UTRN: variants seen among roughly 807,000 people sequenced by gnomAD.
UTRN encodes utrophin.
UTRN carries 283 observed loss-of-function variants against 463.9 expected under a neutral mutation model. The ratio of observed to expected loss-of-function variants is 0.61; its 90% CI spans 0.55 to 0.67. The LOEUF (loss-of-function observed/expected upper bound fraction) is 0.67, where lower values mean the gene tolerates loss of function less well. Ranked by LOEUF, UTRN falls within the 30% of genes least tolerant of loss-of-function variation. The probability of loss-of-function intolerance (pLI) is 0.00; values close to 1 mark genes in which losing one functional copy is unlikely to be tolerated. For missense variants in UTRN, 3,922 were observed against 4,084.3 expected (o/e 0.96, Z 1.08); for synonymous variants, 1,442 against 1,431.5 (o/e 1.01, Z -0.17).
At chr6:144,774,125 A>G (rs1277542983) in intron 59 of UTRN, among the ~76,000 whole-genome samples, 165 bp from the exon 60 acceptor site, 1 of 152,178 alleles carries the variant, frequency 6.6e-6, no homozygotes, top group Non-Finnish European at 1.5e-5. Flanking sequence ...GCTAATGATC[A>G]TTTAACTTTT....
chr6:144,512,363 A>G (rs1795247249), intron 35 of UTRN, among the ~76,000 whole-genome samples: 1 of 152,146 alleles, frequency 6.6e-6, no homozygotes, highest in Admixed American at 6.6e-5. Flanking sequence ...TGCTGTTAGA[A>G]CATTTGATTT....
chr6:144,299,557 C>A (rs951748173), intron 2 of UTRN, among the ~76,000 whole-genome samples: 1 of 151,852 alleles, frequency 6.6e-6, no homozygotes, highest in Non-Finnish European at 1.5e-5. Flanking sequence ...CCCATTGAAC[C>A]AGAAGATGAT....
intron 40 of UTRN, 121 bp downstream of exon 40, chr6:144,522,292 A>G: frequency 5.3e-6 from 4 of 753,282 alleles, no homozygotes; most frequent in Non-Finnish European, 7.7e-6. Context: ...GGGATTAATA[A>G]TATGTATGAC....
Position 144,602,840 on chromosome 6 carries a change from C to T in UTRN, c.7479+25552C>T, listed in dbSNP as rs118145574. ...AATTAAATGACATTGAATGAAACAA[C>T]ATTATTCTAGGACCTGCTGTGTATT... On this transcript the variant is annotated intron_variant, in intron 51 of 74. Coordinates refer to ENST00000367545, the MANE Select transcript of UTRN (RefSeq NM_007124.3). Among the ~76,000 whole-genome samples, 393 of 152,242 alleles carry T rather than the reference C, an allele frequency of 2.6e-3. 13 individuals carry two copies. In the East Asian group the frequency reaches 0.058, roughly 22 times the overall value.
At chr6:144,495,338 G>A (rs185855794) in intron 33 of UTRN, among the ~76,000 whole-genome samples, 1,570 of 152,366 alleles carry the variant, frequency 0.01, 34 homozygotes, top group African/African-American at 0.035. Context: ...GCGCAGCGCC[G>A]GTGGGCTGGC....
intron 25 of UTRN, among the ~76,000 whole-genome samples, chr6:144,475,702 A>G (rs561078878): frequency 6.6e-6 from 1 of 152,188 alleles, no homozygotes; most frequent in South Asian, 2.1e-4. Flanking sequence ...TGCAGCCTTG[A>G]ACTCCTGGGC....
intron 62 of UTRN, 23 bp downstream of exon 62, chr6:144,789,302 C>T: frequency 6.5e-7 from 1 of 1,532,878 alleles, no homozygotes; most frequent in Non-Finnish European, 8.9e-7. Context: ...TTTCTTATAC[C>T]AACAGTGTTT....
chr6:144,321,051 T>C (rs957482530), intron 2 of UTRN, among the ~76,000 whole-genome samples: 1 of 152,246 alleles, frequency 6.6e-6, no homozygotes, highest in Non-Finnish European at 1.5e-5. Context: ...GCTCATCATA[T>C]TAAACACAGT....
intron 51 of UTRN, among the ~76,000 whole-genome samples, chr6:144,650,681 C>T (rs551094623): frequency 2.0e-5 from 3 of 152,240 alleles, no homozygotes; most frequent in African/African-American, 4.8e-5. Flanking sequence ...GAGGCCAAGG[C>T]GGGCAGATCA....
chr6:144,439,342 G>A (rs973277601), intron 12 of UTRN, among the ~76,000 whole-genome samples: 2 of 152,134 alleles, frequency 1.3e-5, no homozygotes, highest in African/African-American at 2.4e-5. Flanking sequence ...GATAAGGAAA[G>A]ATAGAATAAA....
intron 40 of UTRN, among the ~76,000 whole-genome samples, chr6:144,522,715 G>C (rs1796212086): frequency 6.6e-6 from 1 of 151,910 alleles, no homozygotes; most frequent in Non-Finnish European, 1.5e-5. Context: ...ACTATTTCCA[G>C]CTTCAAATGC....
intron 53 of UTRN, among the ~76,000 whole-genome samples, chr6:144,714,553 C>T (rs60929703): frequency 0.11 from 17,079 of 152,240 alleles, 1,223 homozygotes; most frequent in East Asian, 0.23. Context: ...TGTTCTTCTG[C>T]TGCCATCTTG....
At chr6:144,731,529 C>A (rs1788515707) in intron 54 of UTRN, among the ~76,000 whole-genome samples, 1 of 152,080 alleles carries the variant, frequency 6.6e-6, no homozygotes, top group African/African-American at 2.4e-5. Context: ...AAAATGCTTT[C>A]TTTGACTATA....
intron 53 of UTRN, among the ~76,000 whole-genome samples, chr6:144,726,466 A>G (rs958348570): frequency 6.6e-6 from 1 of 152,182 alleles, no homozygotes; most frequent in Non-Finnish European, 1.5e-5. Context: ...CCAAGGCTCT[A>G]CTAGGTCCCA....
intron 21 of UTRN, 45 bp from the exon 22 acceptor site, chr6:144,461,152 G>C: frequency 6.7e-7 from 1 of 1,496,538 alleles, no homozygotes; most frequent in Non-Finnish European, 9.0e-7. Context: ...AATAATATTG[G>C]TTCCTAATAT....
At chr6:144,453,046 G>A (rs575084777) in intron 18 of UTRN, among the ~76,000 whole-genome samples, 2 of 151,894 alleles carry the variant, frequency 1.3e-5, no homozygotes, top group East Asian at 3.9e-4. Flanking sequence ...GATTGTGCTT[G>A]AAGTTTGCAT....
At chr6:144,491,219 T>G in intron 32 of UTRN, 117 bp downstream of exon 32, 3 of 948,890 alleles carry the variant, frequency 3.2e-6, no homozygotes, top group Non-Finnish European at 2.9e-6. Context: ...GTGCTAAACA[T>G]AAGGATTGAT....
chr6:144,831,914 T>C (rs887400151), intron 69 of UTRN, among the ~76,000 whole-genome samples: 5 of 152,202 alleles, frequency 3.3e-5, no homozygotes, highest in Admixed American at 6.5e-5. Flanking sequence ...AAAATCATTA[T>C]TTTTATTTAT....
At chr6:144,838,410 C>T (rs1340950758) in intron 71 of UTRN, among the ~76,000 whole-genome samples, 1 of 152,206 alleles carries the variant, frequency 6.6e-6, no homozygotes, top group African/African-American at 2.4e-5. Context: ...AGCAGAACTA[C>T]CAGGCTTCAA....
Sources: gnomAD v4.1 joint callset for allele counts (sites outside exome capture counted in the v4.1 genomes callset) on GRCh38, gnomAD v4.1.1 for gene constraint, MANE v1.5 for transcripts, NCBI Gene and HGNC (gene_info 2026-07-23, HGNC 2026-07-21) for gene names.